The following KIF13A variants were observed in gnomAD, a reference collection of about 807,000 sequenced individuals.
KIF13A encodes kinesin-like protein KIF13A.
KIF13A carries 79 observed loss-of-function variants against 212.2 expected under a neutral mutation model. The ratio of observed to expected loss-of-function variants is 0.37; its 90% confidence interval spans 0.31 to 0.45. The LOEUF (loss-of-function observed/expected upper bound fraction) is 0.45, where lower values mean the gene tolerates loss of function less well. KIF13A is among the 20% of genes least tolerant of loss of function. The pLI is 1.00. For missense variants in KIF13A, 1,901 were observed against 2,209.0 expected, an observed-to-expected ratio of 0.86 and a Z score of 2.79; for synonymous variants, 789 against 808.6, an observed-to-expected ratio of 0.98 and a Z score of 0.41.
intron 11 of KIF13A, among the ~76,000 whole-genome samples, chr6:17,835,894 C>CAACTT (rs3076231): frequency 0.27 from 41,123 of 151,704 alleles, 5,695 homozygotes; most frequent in Admixed American, 0.35. Context: ...TTTTTTCTTA[C>CAACTT]AACTTAGTAC....
chr6:17,954,753 A>T (rs989023335), intron 2 of KIF13A, among the ~76,000 whole-genome samples: 1 of 152,164 alleles, frequency 6.6e-6, no homozygotes, highest in African/African-American at 2.4e-5. Flanking sequence ...AGCTCACTGT[A>T]GCCTCAAACT....
At chr6:17,944,291 T>G (rs1318745349) in intron 2 of KIF13A, among the ~76,000 whole-genome samples, 2 of 152,208 alleles carry the variant, frequency 1.3e-5, no homozygotes. Context: ...CACACTCAAG[T>G]TCTTATAGAT....
At position 17,982,041 on chromosome 6, in the gene KIF13A, G is replaced by GATTTTGA. The variant is rs2150643181; in HGVS notation, c.146+5006_146+5012dup. Reference sequence around the variant, plus strand: ...AATGCTTGGGACCAGAAGTGTTTTGGATTTTGAATTTTTCTTGAATTTGGA... The same window carrying GATTTTGA: ...AATGCTTGGGACCAGAAGTGTTTTGGATTTTGAATTTTGAATTTTTCTTGAATTTGGA... On this transcript the variant is annotated intron_variant, in intron 2 of 38. Coordinates refer to ENST00000259711, the MANE Select transcript of KIF13A (RefSeq NM_022113.6). The surrounding 1 kb of genome is among the most constrained non-coding windows in gnomAD (Gnocchi z 5.1). Among the ~76,000 whole-genome samples the GATTTTGA allele has an allele frequency of 6.6e-6, 1 of 151,920 alleles. No individual in the cohort carries two copies. The highest frequency in any genetic ancestry group is 1.5e-5 in the Non-Finnish European group (1 of 67,966).
rs746555074 is a variant in KIF13A, at chr6:17,855,869, G to A, written c.313+161C>T. Among the ~76,000 whole-genome samples, 36 of 151,714 alleles carry A rather than the reference G, an allele frequency of 2.4e-4. No homozygotes were observed. The highest frequency in any genetic ancestry group is 4.7e-4 in the Non-Finnish European group (32 of 67,930). On this transcript the variant is annotated intron_variant, in intron 5 of 38. Transcript: ENST00000259711. This position sits in a 1 kb window ranked among gnomAD's most constrained non-coding sequence, Gnocchi z 4.1. ...GCTGGGACTACAGGTGTGCCACCAC[G>A]CTGGGCTAATGTTTTTAGTTTTTAT...
In KIF13A at chr6:17,947,146, C is replaced by G. The variant is rs1777471875; in HGVS notation, c.146+39908G>C. Among the ~76,000 whole-genome samples the G allele has an allele frequency of 6.6e-6, 1 of 151,962 alleles. No homozygotes were observed. The highest frequency in any genetic ancestry group is 1.5e-5 in the Non-Finnish European group (1 of 67,962). On this transcript the variant is annotated intron_variant, in intron 2 of 38. Coordinates refer to ENST00000259711, the MANE Select transcript of KIF13A (RefSeq NM_022113.6). This position sits in a 1 kb window ranked among gnomAD's most constrained non-coding sequence, Gnocchi z 4.6. ...TAAAGTTGTTAAATTATAAAGAAAACTAAGGAAAATAAATATAAAATTCAG... is the reference window on the plus strand; with the variant it reads ...TAAAGTTGTTAAATTATAAAGAAAAGTAAGGAAAATAAATATAAAATTCAG...
At chr6:17,873,597 T>G (rs1298171841) in intron 3 of KIF13A, among the ~76,000 whole-genome samples, 160 bp from the exon 4 acceptor site, 5 of 152,214 alleles carry the variant, frequency 3.3e-5, no homozygotes, top group African/African-American at 1.2e-4. Context: ...ATAAAATTTC[T>G]TATTTTCCTC....
intron 16 of KIF13A, among the ~76,000 whole-genome samples, chr6:17,824,760 C>CAAAAAAA (rs1234476186): frequency 1.4e-4 from 7 of 48,794 alleles, no homozygotes; most frequent in East Asian, 6.3e-4. Context: ...GACTCCGTCT[C>CAAAAAAA]AAAAAAAAAA....
At chr6:17,938,898 T>C (rs949390838) in intron 2 of KIF13A, among the ~76,000 whole-genome samples, 2 of 152,020 alleles carry the variant, frequency 1.3e-5, no homozygotes, top group Non-Finnish European at 2.9e-5. Context: ...TATGTATTCA[T>C]TCTACAAAAC....
Position 17,947,666 on chromosome 6 carries a change from A to C in KIF13A, c.146+39388T>G, listed in dbSNP as rs561395551. Among the ~76,000 whole-genome samples the C allele has an allele frequency of 1.3e-3, 198 of 152,172 alleles. 1 individual carries two copies. Among genetic ancestry groups the C allele is most frequent in the African/African-American group, 4.6e-3 (191 of 41,526 alleles). On this transcript the variant is annotated intron_variant, in intron 2 of 38. Coordinates refer to ENST00000259711, the MANE Select transcript of KIF13A (RefSeq NM_022113.6). The surrounding 1 kb of genome is among the most constrained non-coding windows in gnomAD (Gnocchi z 4.6). ...AGCCTGGGCAACACGGTGAAACCCT[A>C]TCTCTACTAAAAATACAAAAAAAAA...
rs1761835156 is a variant in KIF13A, at chr6:17,794,116, A to C, written c.3222+133T>G. 1.6e-6 allele frequency: 1 copy of C among 619,014 alleles called. No homozygotes were observed. Among genetic ancestry groups the C allele is most frequent in the Non-Finnish European group, 2.8e-6 (1 of 361,938 alleles). 38.3% of individuals were successfully genotyped at this position (619,014 alleles called of 1,614,324 possible). A position where few individuals can be genotyped will look rare whatever the true frequency, so the allele number is the denominator to read the frequency against. The stretch of plus-strand genomic sequence containing the variant: ...CAGATTTTAAAGCTAGAAAAAAGGC[A>C]ATGGATGGAAATGTGAACTGGGGGA... On this transcript the variant is annotated intron_variant, in intron 25 of 38. Coordinates refer to ENST00000259711, the MANE Select transcript of KIF13A (RefSeq NM_022113.6). The surrounding 1 kb of genome is among the most constrained non-coding windows in gnomAD (Gnocchi z 4.1).
chr6:17,884,934 CAATT>C (rs1406439534), intron 3 of KIF13A, among the ~76,000 whole-genome samples: 2 of 152,158 alleles, frequency 1.3e-5, no homozygotes, highest in African/African-American at 2.4e-5. Context: ...TGAAAGACTA[CAATT>C]AATATGAAAG....
chr6:17,797,068 C>T (rs535392652), intron 22 of KIF13A, among the ~76,000 whole-genome samples: 3 of 150,730 alleles, frequency 2.0e-5, no homozygotes, highest in East Asian at 3.9e-4. Context: ...CTTGCTCTGT[C>T]GCCCAGGCTG....
intron 3 of KIF13A, chr6:17,881,409 T>A (rs924097737): frequency 9.6e-6 from 4 of 416,898 alleles, no homozygotes; most frequent in Non-Finnish European, 1.9e-5. Flanking sequence ...AAAAGTCATC[T>A]CTGATGGCAT....
intron 34 of KIF13A, among the ~76,000 whole-genome samples, chr6:17,775,932 A>G (rs2150299011): frequency 6.6e-6 from 1 of 151,952 alleles, no homozygotes; most frequent in Middle Eastern, 3.4e-3. Context: ...CCCAGGCTGG[A>G]GTGCAATGGC....
rs1759602628 is a variant in KIF13A, at chr6:17,772,683, T to C, written c.4325-624A>G. Among the ~76,000 whole-genome samples the C allele has an allele frequency of 6.6e-6, 1 of 152,278 alleles. No homozygotes were observed. Among genetic ancestry groups the C allele is most frequent in the African/African-American group, 2.4e-5 (1 of 41,478 alleles). ...AGCCCTTATTATCTGCATGTTCATT[T>C]TGGCACCTTATCATTTAACATCTCA... On this transcript the variant is annotated intron_variant, in intron 36 of 38. Transcript: ENST00000259711. The surrounding 1 kb of genome is among the most constrained non-coding windows in gnomAD (Gnocchi z 4.8).
chr6:17,987,086 G>A lies in KIF13A; in HGVS notation c.114C>T (p.His38=), dbSNP rs751457405. The A allele has an allele frequency of 1.5e-4, 238 of 1,613,530 alleles. 1 individual carries two copies. Among genetic ancestry groups the A allele is most frequent in the Middle Eastern group, 8.2e-4 (5 of 6,082 alleles). ...CCTGTTTGGTGTTAGAAGGAGGAGG[G>A]TGCAGGACCGTTTGATTCCCTTCCA... ...VEMEGNQTVL[H]PPPSNTKQGE... Residue 38 remains histidine (H), a synonymous_variant, in exon 2 of 39, where the codon CAC becomes CAT. Transcript: ENST00000259711. The surrounding 1 kb of genome is among the most constrained non-coding windows in gnomAD (Gnocchi z 7.7).
rs758371480 is a variant in KIF13A, at chr6:17,775,079, G to C, written c.4171-17C>G. On this transcript the variant is annotated splice_polypyrimidine_tract_variant and intron_variant, in intron 34 of 38. Coordinates refer to ENST00000259711, the MANE Select transcript of KIF13A (RefSeq NM_022113.6). ...GGAAGAGACCTATAAGAGAAGAATG[G>C]TTTTAGCAATGTGGTTTATATATTT... The C allele has an allele frequency of 1.2e-6, 2 of 1,603,862 alleles. No homozygotes were observed. Among genetic ancestry groups the C allele is most frequent in the Admixed American group, 1.7e-5 (1 of 58,736 alleles).
Position 17,984,436 on chromosome 6 carries a change from C to T in KIF13A, c.146+2618G>A. ...ATCAGTATACATATCAACTACTAAC[C>T]TGGACCTATGCAATGTATTACAATA... On this transcript the variant is annotated intron_variant, in intron 2 of 38. Coordinates refer to ENST00000259711, the MANE Select transcript of KIF13A (RefSeq NM_022113.6). This position sits in a 1 kb window ranked among gnomAD's most constrained non-coding sequence, Gnocchi z 5.0. 2.7e-6 allele frequency: 2 copies of T among 743,378 alleles called. No homozygotes were observed. The highest frequency in any genetic ancestry group is 3.3e-6 in the Non-Finnish European group (2 of 609,126). The allele number at this position is 743,378 out of a possible 1,614,324, so 46.0% of individuals were successfully genotyped here.
chr6:17,801,844 G>A (rs987701785), intron 20 of KIF13A, among the ~76,000 whole-genome samples: 3 of 152,178 alleles, frequency 2.0e-5, no homozygotes, highest in African/African-American at 7.2e-5. Context: ...ACACAGATAT[G>A]AGGAATGTTA....
Sources: gnomAD v4.1 joint callset for allele counts (sites outside exome capture counted in the v4.1 genomes callset) on GRCh38, gnomAD v4.1.1 for gene constraint, Gnocchi (gnomAD v3.1) non-coding constraint, MANE v1.5 for transcripts, NCBI Gene and HGNC (gene_info 2026-07-23, HGNC 2026-07-21) for gene names.